SLC39A11: variants seen among roughly 807,000 people sequenced by gnomAD.
The protein encoded by SLC39A11 is zinc transporter ZIP11.
A neutral mutation model predicts 36.1 loss-of-function variants in SLC39A11; 33 were observed. The ratio of observed to expected loss-of-function variants is 0.91; its 90% CI spans 0.69 to 1.22. The LOEUF (loss-of-function observed/expected upper bound fraction) is 1.22. Ranked by LOEUF, SLC39A11 falls within the 50% of genes most tolerant of loss-of-function variation. The pLI is 0.00. For missense variants in SLC39A11, 432 were observed against 430.3 expected (o/e 1.00, Z -0.03); for synonymous variants, 166 against 170.3 (o/e 0.97, Z 0.20).
intron 7 of SLC39A11, among the ~76,000 whole-genome samples, chr17:72,699,461 C>T (rs887965353): frequency 1.3e-5 from 2 of 152,116 alleles, no homozygotes; most frequent in South Asian, 4.2e-4. Context: ...GGAATCTATC[C>T]AGTCTGTTAC....
At position 72,954,500 on chromosome 17, in the gene SLC39A11, G is replaced by T. The variant is rs527424820; in HGVS notation, c.307-6625C>A. Among the ~76,000 whole-genome samples the T allele has an allele frequency of 1.2e-3, 189 of 152,304 alleles. 1 individual carries two copies. Among genetic ancestry groups the T allele is most frequent in the African/African-American group, 4.4e-3 (184 of 41,574 alleles). On this transcript the variant is annotated intron_variant, in intron 4 of 9. Coordinates refer to ENST00000255559, the MANE Select transcript of SLC39A11 (RefSeq NM_139177.4). ...TGCAGTTGCCAGGGAAGGGGCTGGC[G>T]GGTGGCCTGCCTGGGGCCCAGCATA...
chr17:72,795,779 T>C (rs184547590), intron 6 of SLC39A11, among the ~76,000 whole-genome samples: 2 of 152,260 alleles, frequency 1.3e-5, no homozygotes, highest in Admixed American at 1.3e-4. Context: ...AATTAACCAA[T>C]TATGTGTGTA....
intron 6 of SLC39A11, among the ~76,000 whole-genome samples, chr17:72,785,027 T>C (rs111902774): frequency 0.18 from 27,540 of 151,854 alleles, 3,557 homozygotes; most frequent in African/African-American, 0.37. Context: ...GCCCCCATGC[T>C]TGGCTAATTT....
intron 4 of SLC39A11, among the ~76,000 whole-genome samples, chr17:72,970,891 A>G (rs1274908177): frequency 6.6e-6 from 1 of 152,200 alleles, no homozygotes; most frequent in Non-Finnish European, 1.5e-5. Context: ...GTGTCCTCAG[A>G]GCCTGGCTCA....
chr17:72,813,442 G>A (rs1454746135), intron 6 of SLC39A11, among the ~76,000 whole-genome samples: 1 of 152,188 alleles, frequency 6.6e-6, no homozygotes, highest in Admixed American at 6.5e-5. Flanking sequence ...TTAATTTTCT[G>A]CTACCTTAGA....
At chr17:72,662,450 A>AAAAAGAAAAAGGAAGGAAAGGAAGG (rs2070479692) in intron 7 of SLC39A11, among the ~76,000 whole-genome samples, 1 of 150,328 alleles carries the variant, frequency 6.7e-6, no homozygotes, top group South Asian at 2.1e-4. Context: ...AGAAAAGAAA[A>AAAAAGAAAAAGGAAGGAAAGGAAGG]AAAAGAAAAA....
intron 7 of SLC39A11, among the ~76,000 whole-genome samples, chr17:72,682,555 G>C (rs1473887095): frequency 6.6e-6 from 1 of 152,196 alleles, no homozygotes; most frequent in Non-Finnish European, 1.5e-5. Context: ...CATTATCCAA[G>C]GGTCAATGTA....
intron 5 of SLC39A11, among the ~76,000 whole-genome samples, chr17:72,886,545 C>T (rs755711032): frequency 5.5e-4 from 84 of 152,184 alleles, no homozygotes; most frequent in Non-Finnish European, 1.1e-3. Flanking sequence ...TCCCCCACTA[C>T]AAACGCATCC....
intron 6 of SLC39A11, among the ~76,000 whole-genome samples, chr17:72,799,189 CA>C: frequency 6.6e-6 from 1 of 152,294 alleles, no homozygotes; most frequent in South Asian, 2.1e-4. Context: ...GGGCATTTAT[CA>C]GTTCCCAAAT....
chr17:72,927,779 T>A (rs1406297615), intron 5 of SLC39A11, among the ~76,000 whole-genome samples: 1 of 151,678 alleles, frequency 6.6e-6, no homozygotes, highest in Non-Finnish European at 1.5e-5. Flanking sequence ...CATGCAAAAA[T>A]AATCAGTTCT....
rs1206355409 is a variant in SLC39A11 at position 72,900,212 on chromosome 17, A to AGAAG, written c.430+47539_430+47540insCTTC. 7.0e-3 allele frequency among the ~76,000 whole-genome samples: 725 copies of AGAAG among 103,500 alleles called. 94 individuals are homozygous for AGAAG. Among genetic ancestry groups the AGAAG allele is most frequent in the African/African-American group, 0.026 (634 of 24,844 alleles). The allele number at this position is 103,500 out of a possible 152,430, so 67.9% of individuals were successfully genotyped here. On this transcript the variant is annotated intron_variant, in intron 5 of 9. Transcript: ENST00000255559. ...AAGAAAGAAAGAAAGAAAGAAAGAA[A>AGAAG]GAAAGAAAGAAAGAAAGAAAAAGAC...
intron 4 of SLC39A11, among the ~76,000 whole-genome samples, chr17:73,026,137 G>A (rs1453312703): frequency 2.7e-5 from 4 of 145,634 alleles, no homozygotes; most frequent in Admixed American, 7.0e-5. Context: ...GAAGAGAAGA[G>A]AAGAGAAAAG....
At chr17:72,858,919 T>C (rs2079806183) in intron 5 of SLC39A11, among the ~76,000 whole-genome samples, 1 of 152,366 alleles carries the variant, frequency 6.6e-6, no homozygotes, top group Middle Eastern at 3.4e-3. Flanking sequence ...GTTTTCTAGA[T>C]ATAGAATCAT....
At chr17:72,949,143 GCTTT>G (rs2085658724) in intron 4 of SLC39A11, among the ~76,000 whole-genome samples, 12 of 52,572 alleles carry the variant, frequency 2.3e-4, no homozygotes, top group East Asian at 1.4e-3. Context: ...ACACTGGGCA[GCTTT>G]TTTTTTTTTT....
At chr17:72,716,376 C>G (rs1234037761) in intron 7 of SLC39A11, among the ~76,000 whole-genome samples, 1 of 151,828 alleles carries the variant, frequency 6.6e-6, no homozygotes, top group African/African-American at 2.4e-5. Context: ...CTGGCACAGT[C>G]TGTCTCTATG....
At chr17:72,873,042 A>G (rs2080723281) in intron 5 of SLC39A11, among the ~76,000 whole-genome samples, 1 of 150,170 alleles carries the variant, frequency 6.7e-6, no homozygotes, top group South Asian at 2.1e-4. Flanking sequence ...CGACAGGGGC[A>G]AGACTCCATC....
rs946936370 is a variant in SLC39A11, at chr17:73,008,904, T to A, written c.306+22652A>T. 1.4e-3 allele frequency among the ~76,000 whole-genome samples: 204 copies of A among 149,892 alleles called. 2 individuals carry two copies. Among genetic ancestry groups the A allele is most frequent in the African/African-American group, 4.9e-3 (197 of 40,240 alleles). On this transcript the variant is annotated intron_variant, in intron 4 of 9. Transcript: ENST00000255559. ...TGCTGTCACTACAAAAAAAAATAAA[T>A]AAATAAAATAGGCAGGCGTGGCAGC...
At chr17:73,018,753 G>C (rs2058249679) in intron 4 of SLC39A11, among the ~76,000 whole-genome samples, 1 of 150,800 alleles carries the variant, frequency 6.6e-6, no homozygotes, top group Non-Finnish European at 1.5e-5. Context: ...ACAAAATAGA[G>C]ATCCTCAACA....
intron 5 of SLC39A11, among the ~76,000 whole-genome samples, chr17:72,869,807 C>A (rs1379721232): frequency 3.9e-5 from 6 of 152,166 alleles, no homozygotes; most frequent in Non-Finnish European, 8.8e-5. Flanking sequence ...AACACATGTT[C>A]GTGTTTAAAA....
Sources: gnomAD v4.1 joint callset for allele counts (sites outside exome capture counted in the v4.1 genomes callset) on GRCh38, gnomAD v4.1.1 for gene constraint, MANE v1.5 for transcripts, NCBI Gene and HGNC (gene_info 2026-07-23, HGNC 2026-07-21) for gene names.